Variants in ALK observed in about 807,000 individuals in gnomAD.
The protein encoded by ALK is ALK tyrosine kinase receptor.
ALK carries 74 observed loss-of-function variants against 163.1 expected under a neutral mutation model. The observed-to-expected ratio is 0.45, with a 90% CI of 0.38 to 0.55. ALK has a LOEUF of 0.55. Among genes scored for constraint, ALK ranks in the 20% least tolerant of loss-of-function variants. The pLI is 0.00. For synonymous variants in ALK, 960 were observed against 843.2 expected (o/e 1.14, Z -2.40); for missense variants, 2,063 against 2,105.3 (o/e 0.98, Z 0.39).
chr2:29,377,356 T>A (rs147193551), intron 5 of ALK, among the ~76,000 whole-genome samples: 1,652 of 151,452 alleles, frequency 0.011, 27 homozygotes, highest in African/African-American at 0.039. Flanking sequence ...GCGCCTGTAA[T>A]CCCAGCTACT....
chr2:29,919,012 T>A (rs960288139), intron 1 of ALK, among the ~76,000 whole-genome samples: 15 of 152,068 alleles, frequency 9.9e-5, no homozygotes, highest in Non-Finnish European at 8.8e-5. Flanking sequence ...GGTTTTCCAG[T>A]CAAAGGATAC....
At chr2:29,597,209 G>A (rs898258752) in intron 3 of ALK, among the ~76,000 whole-genome samples, 4 of 152,252 alleles carry the variant, frequency 2.6e-5, no homozygotes, top group African/African-American at 9.6e-5. Flanking sequence ...GAAAGGGAAA[G>A]TCTGTTGGAA....
chr2:29,862,994 C>G (rs1337691224), intron 1 of ALK, among the ~76,000 whole-genome samples: 2 of 152,004 alleles, frequency 1.3e-5, no homozygotes. Flanking sequence ...GACAAAGGTA[C>G]CAAGAACATA....
At chr2:29,485,127 C>T (rs1671750065) in intron 4 of ALK, among the ~76,000 whole-genome samples, 2 of 152,172 alleles carry the variant, frequency 1.3e-5, no homozygotes, top group Admixed American at 1.3e-4. Flanking sequence ...GATCCTCCTC[C>T]ATCTCTTCCA....
At chr2:29,342,199 T>G (rs1298341663) in intron 5 of ALK, among the ~76,000 whole-genome samples, 1 of 152,178 alleles carries the variant, frequency 6.6e-6, no homozygotes, top group Non-Finnish European at 1.5e-5. Flanking sequence ...CCTTGTGTGT[T>G]GTTGGTGGGA....
At chr2:29,693,273 TG>T (rs1440951730) in intron 3 of ALK, among the ~76,000 whole-genome samples, 2 of 152,106 alleles carry the variant, frequency 1.3e-5, no homozygotes, top group African/African-American at 4.8e-5. Context: ...CTAGTAGAAA[TG>T]TAAAATACAC....
intron 3 of ALK, among the ~76,000 whole-genome samples, chr2:29,628,367 C>T (rs767441501): frequency 8.5e-5 from 13 of 152,264 alleles, no homozygotes; most frequent in East Asian, 5.8e-4. Flanking sequence ...TATTAAAACA[C>T]GCTATATAGC....
chr2:29,208,860 G>A (rs190685390), intron 25 of ALK, among the ~76,000 whole-genome samples: 110 of 151,996 alleles, frequency 7.2e-4, no homozygotes, highest in Non-Finnish European at 1.0e-3. Flanking sequence ...CTAGAGGCTA[G>A]GAAGAGAAGA....
At chr2:29,395,771 G>A (rs1163322302) in intron 4 of ALK, among the ~76,000 whole-genome samples, 1 of 152,218 alleles carries the variant, frequency 6.6e-6, no homozygotes, top group African/African-American at 2.4e-5. Flanking sequence ...GAGTGAGGAA[G>A]GAGTGCTAGA....
chr2:29,392,864 G>T (rs1669209852), intron 4 of ALK, among the ~76,000 whole-genome samples: 1 of 152,334 alleles, frequency 6.6e-6, no homozygotes, highest in Non-Finnish European at 1.5e-5. Context: ...AATGTTCAAG[G>T]TTGCTGACTG....
At chr2:29,432,216 G>A (rs1357659248) in intron 4 of ALK, among the ~76,000 whole-genome samples, 2 of 152,156 alleles carry the variant, frequency 1.3e-5, no homozygotes, top group Non-Finnish European at 2.9e-5. Flanking sequence ...GTAGTGGAAG[G>A]TGTTTGGGTC....
chr2:29,327,911 G>GCAAAGCCATGGAGGCA (rs1667320386), intron 6 of ALK, among the ~76,000 whole-genome samples: 1 of 152,130 alleles, frequency 6.6e-6, no homozygotes, highest in East Asian at 1.9e-4. Flanking sequence ...GACCATGTGA[G>GCAAAGCCATGGAGGCA]CAAAGCCATG....
At chr2:29,714,984 G>T (rs1269421356) in intron 2 of ALK, among the ~76,000 whole-genome samples, 1 of 152,128 alleles carries the variant, frequency 6.6e-6, no homozygotes, top group Non-Finnish European at 1.5e-5. Flanking sequence ...CAGCCCACCG[G>T]GGACACTATG....
chr2:29,286,847 GA>G (rs1665869301), intron 9 of ALK: 1 of 151,980 alleles, frequency 6.6e-6, no homozygotes, highest in African/African-American at 2.4e-5. Flanking sequence ...AAATGAAGAA[GA>G]GACATTCTCA....
At chr2:29,378,357 G>T (rs1668808975) in intron 5 of ALK, among the ~76,000 whole-genome samples, 1 of 152,170 alleles carries the variant, frequency 6.6e-6, no homozygotes, top group Non-Finnish European at 1.5e-5. Context: ...TGGCAAGGGA[G>T]ACAGATTAGA....
At chr2:29,429,448 T>C (rs1452585318) in intron 4 of ALK, among the ~76,000 whole-genome samples, 1 of 152,074 alleles carries the variant, frequency 6.6e-6, no homozygotes, top group Non-Finnish European at 1.5e-5. Context: ...AGTGGCAATG[T>C]ACAATTCAAA....
At chr2:29,331,432 G>C (rs1033111334) in intron 5 of ALK, among the ~76,000 whole-genome samples, 3 of 152,154 alleles carry the variant, frequency 2.0e-5, no homozygotes, top group Non-Finnish European at 4.4e-5. Flanking sequence ...CCACTGTATG[G>C]AGGCCATATT....
rs556256721 is a variant in ALK, at chr2:29,450,076, T to C, written c.1155-66217A>G. Among the ~76,000 whole-genome samples, 3 of 152,258 alleles carry C rather than the reference T, an allele frequency of 2.0e-5. No homozygotes were observed. In the South Asian group the frequency reaches 6.2e-4, roughly 32 times the overall value. On this transcript the variant is annotated intron_variant, in intron 4 of 28. Transcript: ENST00000389048. ...GGCAAAGGGGAAAATGCTGTCCCCT[T>C]CCTGCTCCCTCCTTGACAGTAGGGC...
chr2:29,347,697 G>A (rs1346436661), intron 5 of ALK, among the ~76,000 whole-genome samples: 9 of 152,192 alleles, frequency 5.9e-5, no homozygotes, highest in East Asian at 5.8e-4. Context: ...GATGTATTAG[G>A]TGGGGACTCT....
Sources: allele counts gnomAD v4.1 joint callset (sites outside exome capture counted in the v4.1 genomes callset), GRCh38; gene constraint gnomAD v4.1.1; transcripts MANE v1.5; gene names NCBI Gene and HGNC (gene_info 2026-07-23, HGNC 2026-07-21).